Variants in TAFA1 observed in about 807,000 individuals in gnomAD.
TAFA1 encodes the protein TAFA chemokine like family member 1.
A neutral mutation model predicts 18.5 loss-of-function variants in TAFA1; 4 were observed. The ratio of observed to expected loss-of-function variants is 0.22; its 90% confidence interval spans 0.11 to 0.49. The LOEUF is 0.49. Among genes scored for constraint, TAFA1 ranks in the 20% least tolerant of loss-of-function variants. TAFA1 has a pLI of 0.98. For synonymous variants in TAFA1, 56 were observed against 55.2 expected, an observed-to-expected ratio of 1.01 and a Z score of -0.06; for missense variants, 147 against 169.0, an observed-to-expected ratio of 0.87 and a Z score of 0.72.
chr3:68,332,856 A>C (rs1214193247), intron 2 of TAFA1, among the ~76,000 whole-genome samples: 2 of 152,218 alleles, frequency 1.3e-5, no homozygotes, highest in Non-Finnish European at 2.9e-5. Context: ...GAAGTTCCTC[A>C]AGAAATTAAA....
intron 2 of TAFA1, among the ~76,000 whole-genome samples, chr3:68,029,809 C>T (rs1390269578): frequency 6.6e-6 from 1 of 152,140 alleles, no homozygotes; most frequent in Non-Finnish European, 1.5e-5. Context: ...TGGTAATAAA[C>T]AAAATCAACA....
chr3:68,150,396 G>T (rs1489853456), intron 2 of TAFA1, among the ~76,000 whole-genome samples: 1 of 152,194 alleles, frequency 6.6e-6, no homozygotes, highest in Non-Finnish European at 1.5e-5. Flanking sequence ...CTCAGCCATT[G>T]ACTTAAATCA....
chr3:68,091,294 T>C (rs2065027290), intron 2 of TAFA1, among the ~76,000 whole-genome samples: 1 of 152,216 alleles, frequency 6.6e-6, no homozygotes, highest in Non-Finnish European at 1.5e-5. Flanking sequence ...CCCTTATGGC[T>C]AGCCCTGAGA....
chr3:68,177,355 G>C (rs2066138783), intron 2 of TAFA1, among the ~76,000 whole-genome samples: 1 of 152,104 alleles, frequency 6.6e-6, no homozygotes, highest in African/African-American at 2.4e-5. Flanking sequence ...ACTTCTCTTA[G>C]ATGTAGCTAC....
intron 2 of TAFA1, among the ~76,000 whole-genome samples, chr3:68,274,988 C>T (rs2067766250): frequency 6.6e-6 from 1 of 152,024 alleles, no homozygotes. Context: ...CAGTGAAGTT[C>T]ATATTTCTTG....
intron 3 of TAFA1, among the ~76,000 whole-genome samples, chr3:68,490,485 TGCATATCTATGTAAGG>T (rs1261247182): frequency 3.3e-5 from 5 of 152,200 alleles, no homozygotes; most frequent in Non-Finnish European, 7.3e-5. Flanking sequence ...ATTTTCCAGC[TGCATATCTATGTAAGG>T]GCAAATTTTC....
chr3:68,060,937 T>C (rs867212659), intron 2 of TAFA1, among the ~76,000 whole-genome samples: 10 of 152,318 alleles, frequency 6.6e-5, no homozygotes, highest in Middle Eastern at 6.8e-3. Context: ...GGATGGATGA[T>C]TCAACAGATC....
intron 3 of TAFA1, among the ~76,000 whole-genome samples, chr3:68,480,409 C>CAA (rs1159896850): frequency 1.3e-5 from 1 of 79,676 alleles, no homozygotes; most frequent in African/African-American, 3.6e-5. Context: ...TCTCAAAAAA[C>CAA]ATAAAAAAAA....
intron 2 of TAFA1, among the ~76,000 whole-genome samples, chr3:68,268,324 T>C (rs1416950182): frequency 1.3e-5 from 2 of 152,050 alleles, no homozygotes; most frequent in East Asian, 3.9e-4. Context: ...TATTTTAAGA[T>C]ATTGCTGAAA....
intron 2 of TAFA1, among the ~76,000 whole-genome samples, chr3:68,181,312 G>T (rs1184265101): frequency 6.8e-6 from 1 of 147,344 alleles, no homozygotes; most frequent in East Asian, 2.1e-4. Context: ...AGAGTAATTT[G>T]TTATGCAACA....
intron 2 of TAFA1, among the ~76,000 whole-genome samples, chr3:68,291,739 G>C (rs1391681625): frequency 6.6e-6 from 1 of 151,726 alleles, no homozygotes; most frequent in African/African-American, 2.4e-5. Context: ...AAAGTATTTT[G>C]AATCAAAATG....
chr3:68,229,657 G>A (rs143883852), intron 2 of TAFA1, among the ~76,000 whole-genome samples: 262 of 152,234 alleles, frequency 1.7e-3, no homozygotes, highest in African/African-American at 5.8e-3. Flanking sequence ...TTACTTTTTC[G>A]TAGGTGGGAA....
rs549601804 is a variant in TAFA1, at chr3:68,081,669, T to A, written c.118+74925T>A. Reference sequence around the variant, plus strand: ...CCCATTTGAGGAGGCAGTCTGCCCCTTCTCAGATCTCCAGCTGCGTGCTGG... The same window carrying A: ...CCCATTTGAGGAGGCAGTCTGCCCCATCTCAGATCTCCAGCTGCGTGCTGG... On this transcript the variant is annotated intron_variant, in intron 2 of 4. Transcript: ENST00000478136. Among the ~76,000 whole-genome samples the A allele has an allele frequency of 3.6e-3, 547 of 152,270 alleles. 3 individuals carry two copies. The highest frequency in any genetic ancestry group is 0.012 in the African/African-American group (510 of 41,560).
chr3:68,233,767 G>T (rs1371564559), intron 2 of TAFA1, among the ~76,000 whole-genome samples: 1 of 152,002 alleles, frequency 6.6e-6, no homozygotes, highest in Non-Finnish European at 1.5e-5. Flanking sequence ...GGAACTTCCA[G>T]GATAAAGGTC....
upstream of TAFA1, among the ~76,000 whole-genome samples, chr3:68,001,066 T>C (rs938987476): frequency 3.9e-5 from 6 of 152,210 alleles, no homozygotes; most frequent in Admixed American, 2.0e-4. Flanking sequence ...TTCTGATATA[T>C]GTTCATATCC....
chr3:68,138,815 G>A (rs7430480), intron 2 of TAFA1, among the ~76,000 whole-genome samples: 78,732 of 151,664 alleles, frequency 0.52, 21,339 homozygotes, highest in South Asian at 0.64. Flanking sequence ...ACTCTTGATA[G>A]TTGGTTTTCA....
chr3:68,190,299 G>A (rs2066321944), intron 2 of TAFA1, among the ~76,000 whole-genome samples: 1 of 151,826 alleles, frequency 6.6e-6, no homozygotes, highest in Non-Finnish European at 1.5e-5. Flanking sequence ...CTGATGCTGG[G>A]AGCCTGGCTA....
chr3:68,406,246 G>T (rs1204118993), intron 2 of TAFA1, among the ~76,000 whole-genome samples: 1 of 152,082 alleles, frequency 6.6e-6, no homozygotes, highest in Non-Finnish European at 1.5e-5. Flanking sequence ...GCCTATGTCT[G>T]TTCTGGAAAT....
chr3:68,372,013 A>T (rs968767233), intron 2 of TAFA1, among the ~76,000 whole-genome samples: 4 of 152,200 alleles, frequency 2.6e-5, no homozygotes, highest in African/African-American at 9.6e-5. Flanking sequence ...ATCTCGATGT[A>T]GGCTAGTATC....
Sources: allele counts gnomAD v4.1 joint callset (sites outside exome capture counted in the v4.1 genomes callset), GRCh38; gene constraint gnomAD v4.1.1; transcripts MANE v1.5; gene names NCBI Gene and HGNC (gene_info 2026-07-23, HGNC 2026-07-21).